The following ASTN2 variants were observed in gnomAD, a reference collection of about 807,000 sequenced individuals.
ASTN2 encodes the protein astrotactin 2, also known as astrotactin-2.
A neutral mutation model predicts 139.8 loss-of-function variants in ASTN2; 54 were observed. The observed-to-expected ratio is 0.39, with a 90% CI of 0.31 to 0.48. The LOEUF (loss-of-function observed/expected upper bound fraction) is 0.48. ASTN2 is among the 20% of genes least tolerant of loss of function. ASTN2 has a pLI of 0.95. For synonymous variants in ASTN2, 756 were observed against 719.5 expected (o/e 1.05, Z -0.81); for missense variants, 1,565 against 1,725.1 (o/e 0.91, Z 1.64).
chr9:117,019,067 T>G (rs545407895), intron 6 of ASTN2, among the ~76,000 whole-genome samples: 2 of 152,192 alleles, frequency 1.3e-5, no homozygotes, highest in African/African-American at 4.8e-5. Context: ...GATTTCTGGT[T>G]GTTGTATTTT....
chr9:116,837,537 G>A (rs1051407877), intron 11 of ASTN2, among the ~76,000 whole-genome samples: 9 of 152,126 alleles, frequency 5.9e-5, no homozygotes, highest in Admixed American at 2.0e-4. Flanking sequence ...TTCCTAGCTC[G>A]ACTTTTCATC....
intron 12 of ASTN2, among the ~76,000 whole-genome samples, chr9:116,806,231 T>TA (rs1831025335): frequency 6.6e-6 from 1 of 152,198 alleles, no homozygotes; most frequent in African/African-American, 2.4e-5. Flanking sequence ...ACAAGGTTTT[T>TA]ATCATCCTGG....
At chr9:116,505,582 G>A (rs1480289089) in intron 19 of ASTN2, among the ~76,000 whole-genome samples, 1 of 152,126 alleles carries the variant, frequency 6.6e-6, no homozygotes, top group Non-Finnish European at 1.5e-5. Flanking sequence ...ATGTTTCAAG[G>A]ATTCAATGTG....
At chr9:117,108,438 A>AAAC (rs1554779231) in intron 4 of ASTN2, among the ~76,000 whole-genome samples, 1 of 145,234 alleles carries the variant, frequency 6.9e-6, no homozygotes, top group South Asian at 2.2e-4. Flanking sequence ...AACAAAACAA[A>AAAC]ACACACACAC....
At position 116,500,537 on chromosome 9, in the gene ASTN2, C is replaced by A. The variant is rs560574324; in HGVS notation, c.3356-13037G>T. Among the ~76,000 whole-genome samples, 105 of 152,318 alleles carry A rather than the reference C, an allele frequency of 6.9e-4. 3 individuals carry two copies. In the South Asian group the frequency reaches 0.021, roughly 31 times the overall value. On this transcript the variant is annotated intron_variant, in intron 19 of 22. Transcript: ENST00000313400. ...ACAAGGAACCCACCCTTACTGTGTC[C>A]CTCCAAACATGTTAGGCAATTCAAT...
intron 20 of ASTN2, among the ~76,000 whole-genome samples, chr9:116,448,942 T>C (rs1848089595): frequency 6.6e-6 from 1 of 152,176 alleles, no homozygotes; most frequent in Non-Finnish European, 1.5e-5. Context: ...TCCACTCAAG[T>C]AGTAGAAAGA....
chr9:116,830,579 G>T (rs1588329980), intron 11 of ASTN2, among the ~76,000 whole-genome samples: 1 of 151,886 alleles, frequency 6.6e-6, no homozygotes, highest in South Asian at 2.1e-4. Context: ...ATCACTAGAG[G>T]CCAGGAGTTT....
chr9:117,188,701 T>A (rs1831270350), intron 3 of ASTN2, among the ~76,000 whole-genome samples: 1 of 152,168 alleles, frequency 6.6e-6, no homozygotes, highest in Admixed American at 6.5e-5. Context: ...TAGATGAGAA[T>A]AAACAACTTG....
chr9:117,064,367 T>C (rs755077388), intron 5 of ASTN2, among the ~76,000 whole-genome samples: 5 of 152,076 alleles, frequency 3.3e-5, no homozygotes, highest in Non-Finnish European at 7.3e-5. Context: ...ATATCAACAC[T>C]GGAAAAATGT....
chr9:116,633,599 G>T (rs1856915352), intron 17 of ASTN2, among the ~76,000 whole-genome samples: 1 of 152,184 alleles, frequency 6.6e-6, no homozygotes, highest in African/African-American at 2.4e-5. Flanking sequence ...TGTGGAGTTT[G>T]CATCTCTAAA....
intron 10 of ASTN2, among the ~76,000 whole-genome samples, chr9:116,909,393 G>A (rs886489126): frequency 2.0e-5 from 3 of 152,188 alleles, no homozygotes; most frequent in African/African-American, 7.2e-5. Flanking sequence ...GGGTGTGAGA[G>A]ACAGAACTAG....
intron 17 of ASTN2, among the ~76,000 whole-genome samples, chr9:116,638,835 C>T (rs1814199): frequency 0.094 from 14,273 of 152,128 alleles, 1,232 homozygotes; most frequent in South Asian, 0.4. Flanking sequence ...ATCCAGTAAA[C>T]ATGAACAATA....
At chr9:117,243,441 A>G (rs557899991) in intron 2 of ASTN2, among the ~76,000 whole-genome samples, 222 of 152,344 alleles carry the variant, frequency 1.5e-3, no homozygotes, top group African/African-American at 4.8e-3. Flanking sequence ...AATCGTTTAA[A>G]ATAGGATATA....
chr9:116,884,687 T>C (rs934659659), intron 10 of ASTN2, among the ~76,000 whole-genome samples: 3 of 151,812 alleles, frequency 2.0e-5, no homozygotes, highest in Admixed American at 1.3e-4. Context: ...AAACCTCCTC[T>C]TCTGGTAGTT....
At chr9:117,326,001 G>T (rs558052412) in intron 1 of ASTN2, among the ~76,000 whole-genome samples, 4 of 152,200 alleles carry the variant, frequency 2.6e-5, no homozygotes, top group South Asian at 4.2e-4. Context: ...GAGGGGTGGG[G>T]CATTCTCATC....
intron 2 of ASTN2, among the ~76,000 whole-genome samples, chr9:117,218,957 G>A (rs1832422711): frequency 6.6e-6 from 1 of 152,182 alleles, no homozygotes; most frequent in Admixed American, 6.5e-5. Flanking sequence ...CTTAGTGCCT[G>A]GCACATGGTA....
chr9:117,141,256 T>C, intron 4 of ASTN2, 70 bp downstream of exon 4: 1 of 1,314,146 alleles, frequency 7.6e-7, no homozygotes, highest in Non-Finnish European at 1.0e-6. Flanking sequence ...AATGCACAGA[T>C]CTCCCTAGCA....
At chr9:117,189,341 T>C (rs193178342) in intron 3 of ASTN2, among the ~76,000 whole-genome samples, 1 of 152,238 alleles carries the variant, frequency 6.6e-6, no homozygotes, top group East Asian at 1.9e-4. Flanking sequence ...GGCTGGAACA[T>C]GGATAGAAAG....
chr9:117,006,719 G>A (rs1837363161), intron 7 of ASTN2, among the ~76,000 whole-genome samples: 1 of 151,996 alleles, frequency 6.6e-6, no homozygotes, highest in Non-Finnish European at 1.5e-5. Flanking sequence ...TAGTATACAA[G>A]GCCCTGAGGA....
Sources: gnomAD v4.1 joint callset for allele counts (sites outside exome capture counted in the v4.1 genomes callset) on GRCh38, gnomAD v4.1.1 for gene constraint, MANE v1.5 for transcripts, NCBI Gene and HGNC (gene_info 2026-07-23, HGNC 2026-07-21) for gene names.